Variants in STK32B observed in about 807,000 individuals in gnomAD.
The protein encoded by STK32B is serine/threonine-protein kinase 32B.
Under a neutral mutation model 52.6 loss-of-function variants are expected in STK32B, and 43 were observed. The ratio of observed to expected loss-of-function variants is 0.82; its 90% CI spans 0.64 to 1.05. STK32B has a LOEUF of 1.05. Among genes scored for constraint, STK32B ranks in the 50% least tolerant of loss-of-function variants. STK32B has a pLI of 0.00. For missense variants in STK32B, 621 were observed against 534.6 expected (o/e 1.16, Z -1.59); for synonymous variants, 238 against 204.3 (o/e 1.17, Z -1.41).
rs534864725 is a variant in STK32B, at chr4:5,399,358, G to A, written c.472+1114G>A. Among the ~76,000 whole-genome samples the A allele has an allele frequency of 7.9e-5, 12 of 152,186 alleles. No individual in the cohort carries two copies. The highest frequency in any genetic ancestry group is 2.1e-4 in the South Asian group (1 of 4,820). ...ATGGTTCTATCTCAGAGCTCCTCTC[G>A]AACCTTCCATGAGCCAGCAGCATAG... On this transcript the variant is annotated intron_variant, in intron 5 of 11. Transcript: ENST00000282908. The surrounding 1 kb of genome is among the most constrained non-coding windows in gnomAD (Gnocchi z 5.4).
At chr4:5,302,627 G>A (rs149620913) in intron 3 of STK32B, among the ~76,000 whole-genome samples, 7 of 152,050 alleles carry the variant, frequency 4.6e-5, no homozygotes, top group African/African-American at 1.7e-4. Flanking sequence ...AATTTTAATA[G>A]GTTTTGGGGA....
intron 6 of STK32B, among the ~76,000 whole-genome samples, chr4:5,434,777 G>C (rs532861885): frequency 2.6e-5 from 4 of 152,118 alleles, no homozygotes; most frequent in Non-Finnish European, 5.9e-5. Flanking sequence ...CTAAACATTA[G>C]CTTTTCCAAG....
At chr4:5,121,766 C>T (rs1164300735) in intron 1 of STK32B, among the ~76,000 whole-genome samples, 1 of 146,622 alleles carries the variant, frequency 6.8e-6, no homozygotes, top group Admixed American at 6.9e-5. Context: ...ACCTGCCTGG[C>T]ACCAAAGTCT....
At chr4:5,379,098 T>C (rs1447485109) in intron 4 of STK32B, among the ~76,000 whole-genome samples, 1 of 152,116 alleles carries the variant, frequency 6.6e-6, no homozygotes, top group African/African-American at 2.4e-5. Context: ...GGCTGCCCCC[T>C]CCCTACCTGT....
chr4:5,172,860 A>G (rs1176432210), intron 3 of STK32B, among the ~76,000 whole-genome samples: 6 of 152,104 alleles, frequency 3.9e-5, no homozygotes, highest in Admixed American at 3.9e-4. Context: ...TTTTCTATTG[A>G]TTGGAATAGT....
At chr4:5,173,570 T>G (rs1011019178) in intron 3 of STK32B, among the ~76,000 whole-genome samples, 2 of 152,212 alleles carry the variant, frequency 1.3e-5, no homozygotes, top group African/African-American at 4.8e-5. Context: ...TACCCAGTAG[T>G]CATTCAGGAG....
At chr4:5,218,191 T>C (rs557923041) in intron 3 of STK32B, among the ~76,000 whole-genome samples, 19 of 152,268 alleles carry the variant, frequency 1.2e-4, no homozygotes, top group Non-Finnish European at 1.5e-4. Flanking sequence ...CCGGCCAGAC[T>C]CAAAGGGATA....
chr4:5,064,129 T>C (rs999571187), intron 1 of STK32B, among the ~76,000 whole-genome samples: 2 of 151,620 alleles, frequency 1.3e-5, no homozygotes, highest in African/African-American at 4.8e-5. Context: ...TCTGTTGACA[T>C]CATAAATGCC....
chr4:5,328,637 A>G (rs1367279678), intron 3 of STK32B, among the ~76,000 whole-genome samples: 1 of 152,226 alleles, frequency 6.6e-6, no homozygotes, highest in Non-Finnish European at 1.5e-5. Flanking sequence ...ACCATTTATC[A>G]TAGATCACTA....
At chr4:5,268,622 G>A (rs1727213136) in intron 3 of STK32B, among the ~76,000 whole-genome samples, 1 of 150,328 alleles carries the variant, frequency 6.7e-6, no homozygotes, top group African/African-American at 2.4e-5. Context: ...TTGGCTTTAT[G>A]TTTTGCTTTA....
intron 7 of STK32B, 90 bp downstream of exon 7, chr4:5,446,866 G>T: frequency 7.8e-7 from 1 of 1,277,282 alleles, no homozygotes; most frequent in Non-Finnish European, 1.1e-6. Flanking sequence ...AGGGCCCGCG[G>T]TGCAGGAAGG....
chr4:5,335,013 C>T (rs372959767), intron 4 of STK32B, among the ~76,000 whole-genome samples: 9,039 of 151,816 alleles, frequency 0.06, 553 homozygotes, highest in African/African-American at 0.16. Flanking sequence ...AGGAGGATTC[C>T]CTCTTTTTCT....
chr4:5,034,441 C>A, the STK32B span, among the ~76,000 whole-genome samples: 10 of 152,178 alleles, frequency 6.6e-5, no homozygotes, highest in African/African-American at 2.2e-4. Context: ...CAAAAATATT[C>A]TATGCGCTCC....
intron 1 of STK32B, among the ~76,000 whole-genome samples, chr4:5,113,966 T>A (rs2108804563): frequency 6.6e-6 from 1 of 152,180 alleles, no homozygotes; most frequent in Non-Finnish European, 1.5e-5. Flanking sequence ...TGAGACTTAC[T>A]ATCACGAGAA....
chr4:5,172,569 T>C (rs974105854), intron 3 of STK32B, among the ~76,000 whole-genome samples: 1 of 152,236 alleles, frequency 6.6e-6, no homozygotes, highest in African/African-American at 2.4e-5. Flanking sequence ...GAGATAACCA[T>C]GTGGTTTTTG....
intron 5 of STK32B, among the ~76,000 whole-genome samples, chr4:5,413,714 A>G (rs1347530682): frequency 1.3e-5 from 2 of 152,242 alleles, no homozygotes; most frequent in East Asian, 1.9e-4. Flanking sequence ...GGGCAAATGT[A>G]TCTTGAAGAC....
In STK32B at chr4:5,460,178, A is replaced by C. The variant is rs1277827028; in HGVS notation, c.859A>C (p.Asn287His). The change falls in exon 9 of 12, where the codon AAC (asparagine) becomes CAC (histidine). Residue 287 changes from asparagine to histidine, a missense_variant. By Grantham distance (68) the Asn-to-His change is moderately conservative. Coordinates refer to ENST00000282908, the MANE Select transcript of STK32B (RefSeq NM_018401.3). This position sits in a 1 kb window ranked among gnomAD's most constrained non-coding sequence, Gnocchi z 4.8. Reference protein sequence around the residue: ...IQSVPYLADMNWDAVFKKALM... With the variant: ...IQSVPYLADMHWDAVFKKALM... ...GAGCGTGCCCTACTTGGCCGACATG[A>C]ACTGGGACGCGGTGTTCAAGAAGGC... 1 of 1,614,142 alleles carries C rather than the reference A, an allele frequency of 6.2e-7. No homozygotes were observed. The highest frequency in any genetic ancestry group is 8.5e-7 in the Non-Finnish European group (1 of 1,180,028).
chr4:5,463,310 A>C (rs1036737006), intron 9 of STK32B, among the ~76,000 whole-genome samples: 1 of 149,948 alleles, frequency 6.7e-6, no homozygotes, highest in Non-Finnish European at 1.5e-5. Flanking sequence ...GCCTTCCCTG[A>C]GGCTGTGTGC....
chr4:5,160,281 C>T (rs1718336036), intron 2 of STK32B, among the ~76,000 whole-genome samples: 1 of 152,168 alleles, frequency 6.6e-6, no homozygotes, highest in Non-Finnish European at 1.5e-5. Context: ...CCATAATGAA[C>T]CGCATACTCA....
Sources: allele counts gnomAD v4.1 joint callset (sites outside exome capture counted in the v4.1 genomes callset), GRCh38; gene constraint gnomAD v4.1.1; non-coding constraint Gnocchi (gnomAD v3.1); transcripts MANE v1.5; gene names NCBI Gene and HGNC (gene_info 2026-07-23, HGNC 2026-07-21).